USP30: variants seen among roughly 807,000 people sequenced by gnomAD.
The protein encoded by USP30 is ubiquitin specific peptidase 30.
USP30 carries 41 observed loss-of-function variants against 68.2 expected under a neutral mutation model. That is an observed-to-expected ratio of 0.60 (90% CI 0.47 to 0.78). The LOEUF (loss-of-function observed/expected upper bound fraction) is 0.78. Ranked by LOEUF, USP30 falls within the 30% of genes least tolerant of loss-of-function variation. The pLI is 0.00. For missense variants in USP30, 522 were observed against 649.4 expected, an observed-to-expected ratio of 0.80 and a Z score of 2.13; for synonymous variants, 229 against 253.7, an observed-to-expected ratio of 0.90 and a Z score of 0.93.
intron 1 of USP30, among the ~76,000 whole-genome samples, chr12:109,055,575 T>A (rs1476726666): frequency 6.8e-6 from 1 of 147,496 alleles, no homozygotes; most frequent in East Asian, 2.0e-4. Context: ...AATTTTTGTA[T>A]TTTTAGTAGA....
At chr12:109,064,908 A>G (rs968083038) in intron 3 of USP30, among the ~76,000 whole-genome samples, 1 of 152,162 alleles carries the variant, frequency 6.6e-6, no homozygotes, top group African/African-American at 2.4e-5. Context: ...CCCGAGGGGT[A>G]TGGGAGAAAG....
chr12:109,056,088 G>A (rs1237702779), intron 1 of USP30, among the ~76,000 whole-genome samples: 1 of 152,214 alleles, frequency 6.6e-6, no homozygotes, highest in Non-Finnish European at 1.5e-5. Context: ...CCATGTGGAA[G>A]TGGAGTGAGA....
At chr12:109,044,374 A>G (rs2040585791) in intron 3 of USP30, among the ~76,000 whole-genome samples, 1 of 152,206 alleles carries the variant, frequency 6.6e-6, no homozygotes, top group African/African-American at 2.4e-5. Context: ...ATGGTGGCTC[A>G]CGCCTGCGAT....
intron 3 of USP30, among the ~76,000 whole-genome samples, chr12:109,066,358 C>T (rs138775923): frequency 6.6e-6 from 1 of 150,572 alleles, no homozygotes; most frequent in Non-Finnish European, 1.5e-5. Context: ...GCCCATCAAA[C>T]TTTTATTAGG....
At chr12:109,084,365 G>A (rs1343701035) in intron 11 of USP30, among the ~76,000 whole-genome samples, 2 of 152,342 alleles carry the variant, frequency 1.3e-5, no homozygotes, top group African/African-American at 4.8e-5. Context: ...GCTATTACAC[G>A]TTGGTATTCC....
At chr12:109,023,584 C>T (rs1331480369) in intron 1 of USP30, among the ~76,000 whole-genome samples, 1 of 148,554 alleles carries the variant, frequency 6.7e-6, no homozygotes, top group African/African-American at 2.5e-5. Flanking sequence ...AAATAGCCCC[C>T]TTATCATCCC....
At position 109,052,752 on chromosome 12, in the gene USP30, C is replaced by A. The variant is rs370678568; in HGVS notation, c.74C>A (p.Ala25Glu). Residue 25 changes from alanine (A) to glutamate (E), a missense_variant, in exon 1 of 13, where the codon GCG (alanine) becomes GAG (glutamate). By Grantham distance (107) the Ala-to-Glu change is moderately radical (BLOSUM62 -1). Coordinates refer to ENST00000257548, the MANE Select transcript of USP30 (RefSeq NM_032663.5). Reference sequence around the variant, plus strand: ...ATCCAGCGCTTCCTGCGGACCGGGGCGGCCGTCAGGTGAGATTTTGGGGGG... The same window carrying A: ...ATCCAGCGCTTCCTGCGGACCGGGGAGGCCGTCAGGTGAGATTTTGGGGGG... ...RAIQRFLRTG[A>E]AVRYKVMKNW... The A allele has an allele frequency of 1.5e-4, 218 of 1,454,246 alleles. 2 individuals are homozygous for A. The Middle Eastern group carries it at 2.5e-3, about 17-fold the overall frequency. 90.1% of individuals were successfully genotyped at this position (1,454,246 alleles called of 1,614,324 possible).
intron 3 of USP30, among the ~76,000 whole-genome samples, chr12:109,059,035 A>T (rs1431466927): frequency 6.6e-6 from 1 of 152,206 alleles, no homozygotes; most frequent in African/African-American, 2.4e-5. Context: ...AGTCCGCCTT[A>T]TGAAAATGGT....
Position 109,057,915 on chromosome 12 carries a change from T to C in USP30, c.194-11T>C. 6.5e-7 allele frequency: 1 copy of C among 1,527,164 alleles called. No individual in the cohort carries two copies. The highest frequency in any genetic ancestry group is 1.2e-5 in the South Asian group (1 of 82,590). The allele number at this position is 1,527,164 out of a possible 1,614,324, so 94.6% of individuals were successfully genotyped here. A position where few individuals can be genotyped will look rare whatever the true frequency, so the allele number is the denominator to read the frequency against. The stretch of plus-strand genomic sequence containing the variant: ...TATACTGTTCTCTTCTTCCCCCTGC[T>C]TTTTTTTTAGGGCTTGTGCCTGGCC... On this transcript the variant is annotated splice_polypyrimidine_tract_variant and intron_variant, in intron 2 of 12. Coordinates refer to ENST00000257548, the MANE Select transcript of USP30 (RefSeq NM_032663.5).
At chr12:109,044,317 G>A (rs991668023) in intron 3 of USP30, among the ~76,000 whole-genome samples, 1 of 152,156 alleles carries the variant, frequency 6.6e-6, no homozygotes. Context: ...CATTATGAAT[G>A]TCTTTCAATA....
At chr12:109,081,415 A>T in intron 8 of USP30, 22 bp downstream of exon 8, 1 of 1,612,486 alleles carries the variant, frequency 6.2e-7, no homozygotes, top group Non-Finnish European at 8.5e-7. Flanking sequence ...TTTATGGTTT[A>T]TTTGGAGTCT....
Position 109,052,653 on chromosome 12 carries a change from G to A in USP30, c.-26G>A, listed in dbSNP as rs772489006. 2.0e-5 allele frequency: 29 copies of A among 1,482,218 alleles called. No individual in the cohort carries two copies. The African/African-American group carries it at 3.8e-4, about 19-fold the overall frequency. The allele number at this position is 1,482,218 out of a possible 1,614,324, so 91.8% of individuals were successfully genotyped here. A position where few individuals can be genotyped will look rare whatever the true frequency, so the allele number is the denominator to read the frequency against. ...CGGCGGCGGCGGTAGCGGAGGAGACGGTTTCAGGCCTCCGGTGCGGCTGCA... is the reference window on the plus strand; with the variant it reads ...CGGCGGCGGCGGTAGCGGAGGAGACAGTTTCAGGCCTCCGGTGCGGCTGCA... On this transcript the variant is annotated 5_prime_UTR_variant, in exon 1 of 13. Transcript: ENST00000257548.
intron 3 of USP30, among the ~76,000 whole-genome samples, chr12:109,034,933 T>C (rs919338636): frequency 1.3e-5 from 2 of 152,202 alleles, no homozygotes; most frequent in Non-Finnish European, 2.9e-5. Context: ...ATTAGTGTAA[T>C]TACTTCAGCT....
Position 109,057,924 on chromosome 12 carries a change from AGGGC to A in USP30, c.194-1_196del. 1 of 1,602,192 alleles carries A rather than the reference AGGGC, an allele frequency of 6.2e-7. No homozygotes were observed. Among genetic ancestry groups the A allele is most frequent in the Admixed American group, 1.8e-5 (1 of 56,260 alleles). ...CTCTTCTTCCCCCTGCTTTTTTTTT[AGGGC>A]TTGTGCCTGGCCTTGTTAATTTAGG... On this transcript the variant is annotated splice_acceptor_variant and coding_sequence_variant, in exon 3 of 13. Coordinates refer to ENST00000257548, the MANE Select transcript of USP30 (RefSeq NM_032663.5). LOFTEE classifies it high-confidence loss of function.
chr12:109,074,851 A>G (rs999707113), intron 7 of USP30, among the ~76,000 whole-genome samples: 2 of 152,210 alleles, frequency 1.3e-5, no homozygotes, highest in Non-Finnish European at 2.9e-5. Flanking sequence ...TTATAACTGA[A>G]GGTTTGCATC....
chr12:109,083,234 G>A (rs575201649), intron 11 of USP30, among the ~76,000 whole-genome samples, 172 bp downstream of exon 11: 1 of 152,304 alleles, frequency 6.6e-6, no homozygotes, highest in Non-Finnish European at 1.5e-5. Flanking sequence ...TCTTAGAAGA[G>A]GTTAAAATTA....
chr12:109,072,345 C>G lies in USP30; in HGVS notation c.620C>G (p.Thr207Arg). 1.2e-6 allele frequency: 2 copies of G among 1,612,924 alleles called. No individual in the cohort carries two copies. The highest frequency in any genetic ancestry group is 1.7e-6 in the Non-Finnish European group (2 of 1,179,328). The part of the protein sequence containing the change: ...EITPKQITCR[T>R]RGSPHPTSNH... ...ACTCCCAAACAAATTACCTGCCGCA[C>G]AAGAGGTAGCTGTTTTCCATTGAAA... is the stretch of plus-strand genomic sequence containing the variant. The change falls in exon 6 of 13, where the codon ACA (threonine) becomes AGA (arginine). Residue 207 changes from threonine (T) to arginine (R), a missense_variant. Physicochemically the swap from Thr to Arg is moderately conservative, Grantham distance 71 (BLOSUM62 -1). Transcript: ENST00000257548.
rs1457339803 is a variant in USP30, at chr12:109,083,421, A to AT, written c.1168+360dup. Among the ~76,000 whole-genome samples the AT allele has an allele frequency of 3.9e-5, 6 of 152,232 alleles. No individual in the cohort carries two copies. In the East Asian group the frequency reaches 1.2e-3, roughly 29 times the overall value. ...ATGTCATTTCCTGTCAGTAGAGGAA[A>AT]TGTAGGGAGGACATGTCCTGGCTAA... On this transcript the variant is annotated intron_variant, in intron 11 of 12. Transcript: ENST00000257548.
At chr12:109,055,400 A>ATTTTTTTTTTTT (rs869090869) in intron 1 of USP30, among the ~76,000 whole-genome samples, 21 of 24,464 alleles carry the variant, frequency 8.6e-4, no homozygotes, top group Non-Finnish European at 1.3e-3. Flanking sequence ...ATATATATAT[A>ATTTTTTTTTTTT]TTTTTTTTTT....
Sources: gnomAD v4.1 joint callset for allele counts (sites outside exome capture counted in the v4.1 genomes callset) on GRCh38, gnomAD v4.1.1 for gene constraint, MANE v1.5 for transcripts, NCBI Gene and HGNC (gene_info 2026-07-23, HGNC 2026-07-21) for gene names.